Variants in L3MBTL3 observed in about 807,000 individuals in gnomAD.
L3MBTL3 encodes lethal(3)malignant brain tumor-like protein 3.
A neutral mutation model predicts 102.3 loss-of-function variants in L3MBTL3; 27 were observed. The observed-to-expected ratio is 0.26, with a 90% CI of 0.19 to 0.36. The LOEUF (loss-of-function observed/expected upper bound fraction) is 0.36. Among genes scored for constraint, L3MBTL3 ranks in the 10% least tolerant of loss-of-function variants. The pLI is 1.00. For missense variants in L3MBTL3, 798 were observed against 955.3 expected (o/e 0.84, Z 2.17); for synonymous variants, 340 against 320.9 (o/e 1.06, Z -0.64).
Position 130,104,647 on chromosome 6 carries a change from T to C in L3MBTL3, c.1886+72T>C, listed in dbSNP as rs865841657. 3.6e-6 allele frequency: 4 copies of C among 1,125,100 alleles called. 1 individual carries two copies. In the Middle Eastern group the frequency reaches 1.0e-3, roughly 280 times the overall value. The allele number at this position is 1,125,100 out of a possible 1,614,324, so 69.7% of individuals were successfully genotyped here. ...AAAGAGATTTTTTATCTTTTAGATA[T>C]TTTATTTCCTATAGCAATGTTTTCT... On this transcript the variant is annotated intron_variant, in intron 19 of 22. Coordinates refer to ENST00000361794, the MANE Select transcript of L3MBTL3 (RefSeq NM_032438.4).
At chr6:130,030,924 CA>C (rs1779681438) in intron 2 of L3MBTL3, among the ~76,000 whole-genome samples, 1 of 152,106 alleles carries the variant, frequency 6.6e-6, no homozygotes, top group East Asian at 1.9e-4. Flanking sequence ...TTTAAAATGA[CA>C]AAGCATTGAA....
At position 130,049,777 on chromosome 6, in the gene L3MBTL3, C is replaced by T. The variant is rs1376547473; in HGVS notation, c.236C>T (p.Ser79Phe). 1.1e-5 allele frequency: 17 copies of T among 1,613,988 alleles called. No individual in the cohort carries two copies. The East Asian group carries it at 3.6e-4, about 34-fold the overall frequency. The change falls in exon 5 of 23, where the codon TCC becomes TTC. Residue 79 changes from serine (S) to phenylalanine (F), a missense_variant. By Grantham distance (155) the Ser-to-Phe change is radical. Coordinates refer to ENST00000361794, the MANE Select transcript of L3MBTL3 (RefSeq NM_032438.4). ...CCAGCCCCGACCTCTCCCCCGAGCT[C>T]CAGGCCCGTATTTCCACCTGCCTAC... Reference protein sequence around the residue: ...AQEAPTSPPSSRPVFPPAYWT... With the variant: ...AQEAPTSPPSFRPVFPPAYWT...
At chr6:130,099,412 A>G (rs1465957899) in intron 18 of L3MBTL3, among the ~76,000 whole-genome samples, 1 of 152,238 alleles carries the variant, frequency 6.6e-6, no homozygotes, top group Non-Finnish European at 1.5e-5. Context: ...CTATAAGCCT[A>G]GTGAGAACCA....
At chr6:130,057,895 G>A (rs900045249) in intron 9 of L3MBTL3, among the ~76,000 whole-genome samples, 2 of 152,274 alleles carry the variant, frequency 1.3e-5, no homozygotes, top group East Asian at 3.9e-4. Flanking sequence ...TGTAATCCCA[G>A]CACTTTGGGA....
At chr6:130,062,099 T>C (rs1297333046) in intron 10 of L3MBTL3, among the ~76,000 whole-genome samples, 3 of 152,234 alleles carry the variant, frequency 2.0e-5, no homozygotes, top group Non-Finnish European at 4.4e-5. Context: ...TTATGATATG[T>C]GTCTGTTTTT....
intron 12 of L3MBTL3, among the ~76,000 whole-genome samples, chr6:130,069,923 G>A (rs1055631515): frequency 1.3e-5 from 2 of 152,140 alleles, no homozygotes; most frequent in Non-Finnish European, 2.9e-5. Flanking sequence ...TTTCTGTATA[G>A]CATTAGTGCC....
chr6:130,139,672 T>C lies in L3MBTL3; in HGVS notation c.2262T>C (p.Ile754=). The change falls in exon 23 of 23, where the codon ATT becomes ATC. Residue 754 remains isoleucine, a synonymous_variant. Coordinates refer to ENST00000361794, the MANE Select transcript of L3MBTL3 (RefSeq NM_032438.4). ...TQTDIVKIMS[I]KLGPALKIFN... ...CAGACATTGTTAAAATTATGAGCATTAAACTGGGCCCTGCTCTCAAAATTT... is the reference window on the plus strand; with the variant it reads ...CAGACATTGTTAAAATTATGAGCATCAAACTGGGCCCTGCTCTCAAAATTT... 3.1e-6 allele frequency: 5 copies of C among 1,612,106 alleles called. No homozygotes were observed. The highest frequency in any genetic ancestry group is 4.2e-6 in the Non-Finnish European group (5 of 1,178,308).
intron 2 of L3MBTL3, among the ~76,000 whole-genome samples, chr6:130,024,196 A>G (rs539782011): frequency 6.6e-6 from 1 of 152,278 alleles, no homozygotes; most frequent in Non-Finnish European, 1.5e-5. Flanking sequence ...AGGGGCCAGA[A>G]CATGAGTCCT....
chr6:130,050,664 T>C (rs140554701), intron 5 of L3MBTL3, among the ~76,000 whole-genome samples: 1 of 152,328 alleles, frequency 6.6e-6, no homozygotes, highest in African/African-American at 2.4e-5. Flanking sequence ...GCAAGGTCTC[T>C]ACTGTCATTA....
At chr6:130,061,281 C>T (rs961008081) in intron 10 of L3MBTL3, among the ~76,000 whole-genome samples, 3 of 152,070 alleles carry the variant, frequency 2.0e-5, no homozygotes, top group East Asian at 1.9e-4. Context: ...GATGAGGTTT[C>T]GCCATGTTGG....
At chr6:130,137,349 G>C (rs1313438725) in intron 22 of L3MBTL3, among the ~76,000 whole-genome samples, 1 of 151,618 alleles carries the variant, frequency 6.6e-6, no homozygotes, top group Non-Finnish European at 1.5e-5. Context: ...GAAGCTAACC[G>C]AAAAAAAAGT....
chr6:130,055,389 T>A (rs1466632664), intron 8 of L3MBTL3, 134 bp downstream of exon 8: 2 of 654,570 alleles, frequency 3.1e-6, no homozygotes, highest in Non-Finnish European at 5.2e-6. Context: ...CAATAAAGAT[T>A]TGAGATTTTG....
intron 18 of L3MBTL3, among the ~76,000 whole-genome samples, chr6:130,101,698 G>A (rs1315570133): frequency 6.6e-6 from 1 of 152,212 alleles, no homozygotes; most frequent in Admixed American, 6.5e-5. Flanking sequence ...TTGAGGGAGT[G>A]TGTTGCTTGT....
intron 10 of L3MBTL3, among the ~76,000 whole-genome samples, chr6:130,063,884 T>C (rs946819935): frequency 6.6e-6 from 1 of 152,168 alleles, no homozygotes; most frequent in Admixed American, 6.5e-5. Flanking sequence ...GTACGAGAAC[T>C]GAAACAGGAA....
At chr6:130,050,585 T>C (rs1197508202) in intron 5 of L3MBTL3, among the ~76,000 whole-genome samples, 1 of 152,252 alleles carries the variant, frequency 6.6e-6, no homozygotes. Flanking sequence ...TAGTATTGCA[T>C]GTATCACATT....
chr6:130,107,504 T>C (rs756787318), intron 19 of L3MBTL3, among the ~76,000 whole-genome samples: 1 of 152,170 alleles, frequency 6.6e-6, no homozygotes, highest in African/African-American at 2.4e-5. Flanking sequence ...CTCATCTTCA[T>C]TGAAGCTTCT....
At position 130,094,862 on chromosome 6, in the gene L3MBTL3, TAACTTTAAAAAA is replaced by T. The variant is rs1346009708; in HGVS notation, c.1736+498_1736+509del. The stretch of plus-strand genomic sequence containing the variant: ...AAAATATTTTTCTCTTACCCCTAAG[TAACTTTAAAAAA>T]AAACCAAATTTATGCATTTGAAATG... On this transcript the variant is annotated intron_variant, in intron 18 of 22. Transcript: ENST00000361794. Among the ~76,000 whole-genome samples, 6 of 152,124 alleles carry T rather than the reference TAACTTTAAAAAA, an allele frequency of 3.9e-5. No individual in the cohort carries two copies. The South Asian group carries it at 6.2e-4, about 16-fold the overall frequency.
intron 16 of L3MBTL3, among the ~76,000 whole-genome samples, chr6:130,090,658 T>C (rs34991381): frequency 0.063 from 9,658 of 152,266 alleles, 444 homozygotes; most frequent in Non-Finnish European, 0.1. Flanking sequence ...TGCAGTGATA[T>C]GGTCTTGGCT....
rs538740030 is a variant in L3MBTL3, at chr6:130,068,018, C to T, written c.1001-312C>T. Among the ~76,000 whole-genome samples, 8 of 152,260 alleles carry T rather than the reference C, an allele frequency of 5.3e-5. No individual in the cohort carries two copies. In the South Asian group the frequency reaches 1.7e-3, roughly 32 times the overall value. On this transcript the variant is annotated intron_variant, in intron 11 of 22. Coordinates refer to ENST00000361794, the MANE Select transcript of L3MBTL3 (RefSeq NM_032438.4). Reference sequence around the variant, plus strand: ...TGACTATTGTAGTTCAGTATCTATACCGCTGAGGAATTCTACCTAAATACT... The same window carrying T: ...TGACTATTGTAGTTCAGTATCTATATCGCTGAGGAATTCTACCTAAATACT...
Sources: gnomAD v4.1 joint callset for allele counts (sites outside exome capture counted in the v4.1 genomes callset) on GRCh38, gnomAD v4.1.1 for gene constraint, MANE v1.5 for transcripts, NCBI Gene and HGNC (gene_info 2026-07-23, HGNC 2026-07-21) for gene names.